The following SLC16A7 variants were observed in gnomAD, a reference collection of about 807,000 sequenced individuals.
SLC16A7 encodes the protein monocarboxylate transporter 2.
SLC16A7 carries 33 observed loss-of-function variants against 34.9 expected under a neutral mutation model. The observed-to-expected ratio is 0.94, with a 90% CI of 0.72 to 1.26. The LOEUF (loss-of-function observed/expected upper bound fraction) is 1.26. SLC16A7 is among the 50% of genes most tolerant of loss of function. The pLI, the probability that SLC16A7 is intolerant of heterozygous loss-of-function variation, is 0.00. For synonymous variants in SLC16A7, 201 were observed against 206.6 expected, an observed-to-expected ratio of 0.97 and a Z score of 0.23; for missense variants, 573 against 578.1, an observed-to-expected ratio of 0.99 and a Z score of 0.09.
At chr12:59,772,025 AC>A (rs557331413) in intron 4 of SLC16A7, among the ~76,000 whole-genome samples, 28 of 152,298 alleles carry the variant, frequency 1.8e-4, no homozygotes, top group Admixed American at 1.0e-3. Context: ...CAATATGTAC[AC>A]CCGGAAAGCA....
intron 3 of SLC16A7, among the ~76,000 whole-genome samples, chr12:59,757,799 C>T (rs938582452): frequency 3.9e-5 from 6 of 152,004 alleles, no homozygotes; most frequent in Non-Finnish European, 8.8e-5. Flanking sequence ...TTTTTGATAG[C>T]CCACTTCCAC....
chr12:59,720,559 A>T (rs550866089), intron 3 of SLC16A7, among the ~76,000 whole-genome samples: 35 of 152,158 alleles, frequency 2.3e-4, no homozygotes, highest in African/African-American at 8.4e-4. Flanking sequence ...TCCAATCCAG[A>T]CACTTTGTCA....
intron 1 of SLC16A7, among the ~76,000 whole-genome samples, chr12:59,650,867 C>T (rs1868331685): frequency 6.6e-6 from 1 of 152,110 alleles, no homozygotes; most frequent in African/African-American, 2.4e-5. Context: ...TCATATTTGT[C>T]TATCTTAATT....
intron 2 of SLC16A7, among the ~76,000 whole-genome samples, chr12:59,679,809 C>G (rs1870604227): frequency 6.6e-6 from 1 of 152,026 alleles, no homozygotes; most frequent in African/African-American, 2.4e-5. Context: ...AATGTTTTAC[C>G]TTGATTTAAT....
chr12:59,620,817 G>A (rs1180563413), intron 1 of SLC16A7, among the ~76,000 whole-genome samples: 1 of 151,750 alleles, frequency 6.6e-6, no homozygotes, highest in African/African-American at 2.4e-5. Flanking sequence ...AGGCACATGA[G>A]TTCACCCACT....
At chr12:59,735,475 A>G (rs994325074) in intron 3 of SLC16A7, among the ~76,000 whole-genome samples, 1 of 152,210 alleles carries the variant, frequency 6.6e-6, no homozygotes, top group Non-Finnish European at 1.5e-5. Flanking sequence ...AGCCATTAGT[A>G]GTAAGCTGCT....
At chr12:59,615,051 C>T (rs1210722006) in intron 1 of SLC16A7, among the ~76,000 whole-genome samples, 2 of 151,422 alleles carry the variant, frequency 1.3e-5, no homozygotes, top group African/African-American at 2.4e-5. Flanking sequence ...AAAGAGGCTC[C>T]GTGCAGCATT....
chr12:59,604,494 T>C (rs1301027243), intron 1 of SLC16A7, among the ~76,000 whole-genome samples: 2 of 152,240 alleles, frequency 1.3e-5, no homozygotes, highest in Non-Finnish European at 2.9e-5. Context: ...GTGTGTATAA[T>C]AAGTGAATTT....
At chr12:59,667,464 G>A (rs1217767131) in intron 2 of SLC16A7, among the ~76,000 whole-genome samples, 2 of 152,278 alleles carry the variant, frequency 1.3e-5, no homozygotes, top group Non-Finnish European at 2.9e-5. Context: ...GGAACTTGTT[G>A]GGAATTGGAG....
chr12:59,645,635 A>G (rs1013684854), intron 1 of SLC16A7, among the ~76,000 whole-genome samples: 1 of 152,096 alleles, frequency 6.6e-6, no homozygotes, highest in African/African-American at 2.4e-5. Context: ...TACCAGCATG[A>G]GAACAGATTA....
At position 59,780,381 on chromosome 12, in the gene SLC16A7, T is replaced by C. The variant is rs1329300110; in HGVS notation, c.*702T>C. On this transcript the variant is annotated 3_prime_UTR_variant, in exon 6 of 6. Transcript: ENST00000547379. ...TATAAAAATATTTGCATATATAAGT[T>C]TGACAAAGAAAAGAAAATCAATGTT... The C allele has an allele frequency of 3.3e-5, 5 of 152,130 alleles. No homozygotes were observed. In the East Asian group the frequency reaches 9.7e-4, roughly 29 times the overall value. 9.4% of individuals were successfully genotyped at this position (152,130 alleles called of 1,614,324 possible).
chr12:59,712,185 G>A (rs77012610), intron 3 of SLC16A7, among the ~76,000 whole-genome samples: 273 of 152,326 alleles, frequency 1.8e-3, no homozygotes, highest in Non-Finnish European at 3.1e-3. Flanking sequence ...TGCAGTTGTT[G>A]CTGCTGTTGT....
At chr12:59,614,650 T>A (rs1879353175) in intron 1 of SLC16A7, among the ~76,000 whole-genome samples, 1 of 151,606 alleles carries the variant, frequency 6.6e-6, no homozygotes, top group Non-Finnish European at 1.5e-5. Flanking sequence ...GATTAGTTTG[T>A]GAGGGTTCCT....
intron 1 of SLC16A7, among the ~76,000 whole-genome samples, chr12:59,640,382 G>A (rs1011034930): frequency 6.6e-6 from 1 of 152,014 alleles, no homozygotes; most frequent in African/African-American, 2.4e-5. Flanking sequence ...GAATGTCCCT[G>A]TTTTATAATT....
chr12:59,625,198 A>G (rs1187875420), intron 1 of SLC16A7, among the ~76,000 whole-genome samples: 1 of 151,690 alleles, frequency 6.6e-6, no homozygotes, highest in African/African-American at 2.4e-5. Flanking sequence ...CTGAAGCCTG[A>G]TTTTATGAGG....
chr12:59,747,755 C>T (rs978600335), intron 3 of SLC16A7, among the ~76,000 whole-genome samples: 10 of 152,208 alleles, frequency 6.6e-5, no homozygotes, highest in African/African-American at 2.2e-4. Context: ...TAACCGGAAG[C>T]TGTGTAAGCA....
intron 3 of SLC16A7, chr12:59,733,678 C>T (rs1345470165): frequency 2.2e-6 from 1 of 455,578 alleles, no homozygotes; most frequent in Admixed American, 2.3e-5. Context: ...GTGTTTCAGC[C>T]CTGGTTATGT....
chr12:59,692,189 T>C (rs1871743198), intron 2 of SLC16A7, among the ~76,000 whole-genome samples: 1 of 151,966 alleles, frequency 6.6e-6, no homozygotes, highest in African/African-American at 2.4e-5. Flanking sequence ...TCTCTCTGCG[T>C]CTTCCTTTCT....
chr12:59,691,112 A>C (rs1285145663), intron 2 of SLC16A7, among the ~76,000 whole-genome samples: 1 of 152,066 alleles, frequency 6.6e-6, no homozygotes, highest in Non-Finnish European at 1.5e-5. Context: ...TAAAGATTTC[A>C]AAATATATAA....
Sources: allele counts gnomAD v4.1 joint callset (sites outside exome capture counted in the v4.1 genomes callset), GRCh38; gene constraint gnomAD v4.1.1; transcripts MANE v1.5; gene names NCBI Gene and HGNC (gene_info 2026-07-23, HGNC 2026-07-21).